Variants in SYTL3 observed in about 807,000 individuals in gnomAD.
SYTL3 encodes the protein synaptotagmin-like protein 3.
A neutral mutation model predicts 82.1 loss-of-function variants in SYTL3; 88 were observed. The observed-to-expected ratio is 1.07, with a 90% CI of 0.90 to 1.28. The LOEUF (loss-of-function observed/expected upper bound fraction) is 1.28, where lower values mean the gene tolerates loss of function less well. Ranked by LOEUF, SYTL3 falls within the 50% of genes most tolerant of loss-of-function variation. The pLI, the probability that SYTL3 is intolerant of heterozygous loss-of-function variation, is 0.00. For synonymous variants in SYTL3, 311 were observed against 289.4 expected, an observed-to-expected ratio of 1.07 and a Z score of -0.76; for missense variants, 831 against 757.6, an observed-to-expected ratio of 1.10 and a Z score of -1.14.
chr6:158,725,416 C>T, intron 10 of SYTL3, 87 bp from the exon 11 acceptor site: 1 of 1,471,312 alleles, frequency 6.8e-7, no homozygotes, highest in Non-Finnish European at 9.3e-7. Flanking sequence ...AACATCAAGT[C>T]ATAGATGCTT....
At chr6:158,758,078 G>T (rs1236194474) in intron 14 of SYTL3, among the ~76,000 whole-genome samples, 1 of 152,150 alleles carries the variant, frequency 6.6e-6, no homozygotes, top group Non-Finnish European at 1.5e-5. Flanking sequence ...TCCAGATCCC[G>T]GACTGGGAGA....
At chr6:158,653,232 C>T (rs1054482012) in intron 2 of SYTL3, among the ~76,000 whole-genome samples, 3 of 152,042 alleles carry the variant, frequency 2.0e-5, no homozygotes, top group East Asian at 1.9e-4. Flanking sequence ...GCAGGCCGGT[C>T]GCAGTGGCTC....
chr6:158,667,645 C>CCTT (rs1385238685), intron 5 of SYTL3, among the ~76,000 whole-genome samples: 1 of 152,186 alleles, frequency 6.6e-6, no homozygotes, highest in Non-Finnish European at 1.5e-5. Flanking sequence ...CCTGCTTCTT[C>CCTT]CTTCGCTTCA....
At chr6:158,734,932 A>G (rs1785938620) in intron 11 of SYTL3, among the ~76,000 whole-genome samples, 2 of 152,238 alleles carry the variant, frequency 1.3e-5, no homozygotes. Context: ...CAAATGAGGA[A>G]CCTGAGGTTC....
At chr6:158,730,295 T>TA (rs1785238361) in intron 11 of SYTL3, among the ~76,000 whole-genome samples, 1 of 152,232 alleles carries the variant, frequency 6.6e-6, no homozygotes, top group African/African-American at 2.4e-5. Context: ...GCGTAAAGGA[T>TA]AAAAATTGCT....
chr6:158,652,355 TCTC>T (rs1159679481), intron 2 of SYTL3, among the ~76,000 whole-genome samples: 1 of 152,026 alleles, frequency 6.6e-6, no homozygotes, highest in Non-Finnish European at 1.5e-5. Flanking sequence ...TTAACACCAT[TCTC>T]CTGCCTCAGC....
At chr6:158,711,525 A>G (rs890928499) in intron 8 of SYTL3, among the ~76,000 whole-genome samples, 1 of 152,196 alleles carries the variant, frequency 6.6e-6, no homozygotes, top group African/African-American at 2.4e-5. Flanking sequence ...GGCGCCAGGA[A>G]AGCTGATGGT....
chr6:158,696,477 A>G (rs1780574887), intron 6 of SYTL3, among the ~76,000 whole-genome samples: 1 of 151,688 alleles, frequency 6.6e-6, no homozygotes, highest in South Asian at 2.1e-4. Flanking sequence ...TGCTGGGATT[A>G]CAGGTGTGAG....
At chr6:158,696,146 C>T (rs926336252) in intron 6 of SYTL3, among the ~76,000 whole-genome samples, 1 of 152,142 alleles carries the variant, frequency 6.6e-6, no homozygotes, top group African/African-American at 2.4e-5. Flanking sequence ...TATACTTCCC[C>T]ACTAGCAATG....
At chr6:158,699,879 G>A (rs778875369) in intron 6 of SYTL3, among the ~76,000 whole-genome samples, 3 of 151,968 alleles carry the variant, frequency 2.0e-5, no homozygotes, top group Non-Finnish European at 2.9e-5. Flanking sequence ...CCAGGGGCGC[G>A]AAGGTTGTGG....
chr6:158,752,952 C>T (rs952171902), intron 13 of SYTL3, among the ~76,000 whole-genome samples: 6 of 151,876 alleles, frequency 4.0e-5, no homozygotes, highest in African/African-American at 7.3e-5. Flanking sequence ...CATTTACCCA[C>T]GGGGAAACTG....
intron 6 of SYTL3, among the ~76,000 whole-genome samples, chr6:158,699,683 C>T (rs184949056): frequency 3.1e-4 from 47 of 152,072 alleles, no homozygotes; most frequent in African/African-American, 1.0e-3. Context: ...TGTGGTGGCT[C>T]ATGCTTGTAA....
At chr6:158,763,246 C>T in intron 16 of SYTL3, 58 bp from the exon 17 acceptor site, 1 of 1,541,452 alleles carries the variant, frequency 6.5e-7, no homozygotes, top group South Asian at 1.1e-5. Context: ...ACGCACAGGC[C>T]TCAGGAGAGA....
chr6:158,764,373 G>GT lies in SYTL3; in HGVS notation c.1724-120dup, dbSNP rs1480638498. 5.6e-5 allele frequency: 38 copies of GT among 678,426 alleles called. 4 individuals carry two copies. The South Asian group carries it at 6.4e-4, about 11-fold the overall frequency. The allele number at this position is 678,426 out of a possible 1,614,324, so 42.0% of individuals were successfully genotyped here. A position where few individuals can be genotyped will look rare whatever the true frequency, so the allele number is the denominator to read the frequency against. On this transcript the variant is annotated intron_variant, in intron 17 of 17. Coordinates refer to ENST00000611299, the MANE Select transcript of SYTL3 (RefSeq NM_001242394.2). The stretch of plus-strand genomic sequence containing the variant: ...GTGGTGGCGGCGTCTGTCATCAGTG[G>GT]TTGGCCTTTTAATGTGGACTTGAGG...
In SYTL3 at chr6:158,757,201, G is replaced by C. The variant is rs536867007; in HGVS notation, c.1138-10G>C. On this transcript the variant is annotated splice_polypyrimidine_tract_variant and intron_variant, in intron 13 of 17. Coordinates refer to ENST00000611299, the MANE Select transcript of SYTL3 (RefSeq NM_001242394.2). ...GAGCCCAGCTGACCATCTCTTCCTT[G>C]CCTCTGCAGTATCAGGTGGCCCCTG... 9 of 1,606,556 alleles carry C rather than the reference G, an allele frequency of 5.6e-6. No homozygotes were observed. Among genetic ancestry groups the C allele is most frequent in the Non-Finnish European group, 7.6e-6 (9 of 1,179,352 alleles).
At chr6:158,666,170 T>C (rs549190578) in intron 5 of SYTL3, among the ~76,000 whole-genome samples, 13 of 152,354 alleles carry the variant, frequency 8.5e-5, no homozygotes, top group African/African-American at 2.9e-4. Flanking sequence ...AACTAAGTGC[T>C]GTCATTTTCT....
chr6:158,712,716 TAAG>T (rs1262550299), intron 8 of SYTL3, among the ~76,000 whole-genome samples: 1 of 151,986 alleles, frequency 6.6e-6, no homozygotes, highest in East Asian at 1.9e-4. Context: ...ATAATGCTGA[TAAG>T]AGAGAAGAAT....
intron 5 of SYTL3, among the ~76,000 whole-genome samples, chr6:158,672,539 T>C (rs932080452): frequency 1.4e-5 from 2 of 146,468 alleles, no homozygotes; most frequent in African/African-American, 5.2e-5. Context: ...AGAAGAAACA[T>C]ACTGGTTTTT....
intron 6 of SYTL3, among the ~76,000 whole-genome samples, chr6:158,692,412 A>G (rs1004528970): frequency 7.9e-5 from 12 of 152,102 alleles, no homozygotes; most frequent in Non-Finnish European, 1.8e-4. Flanking sequence ...AATGCTCTCA[A>G]TGATTCATCA....
Sources: allele counts gnomAD v4.1 joint callset (sites outside exome capture counted in the v4.1 genomes callset), GRCh38; gene constraint gnomAD v4.1.1; transcripts MANE v1.5; gene names NCBI Gene and HGNC (gene_info 2026-07-23, HGNC 2026-07-21).